ANO6: variants seen among roughly 807,000 people sequenced by gnomAD.
ANO6 encodes anoctamin 6, also known as anoctamin-6.
In ANO6, 106 loss-of-function variants were observed where a neutral mutation model predicts 117.5. The observed-to-expected ratio is 0.90, with a 90% CI of 0.77 to 1.06. The LOEUF is 1.06. Among genes scored for constraint, ANO6 ranks in the 50% least tolerant of loss-of-function variants. ANO6 has a pLI of 0.00. For synonymous variants in ANO6, 367 were observed against 385.1 expected (o/e 0.95, Z 0.55); for missense variants, 955 against 1,121.1 (o/e 0.85, Z 2.12).
chr12:45,356,130 TA>T (rs1483318919), intron 7 of ANO6, among the ~76,000 whole-genome samples: 3 of 152,212 alleles, frequency 2.0e-5, no homozygotes, highest in Non-Finnish European at 4.4e-5. Flanking sequence ...CTGCCCTCTT[TA>T]ATCTTGCCTA....
At chr12:45,330,439 A>G (rs1940625810) in intron 2 of ANO6, among the ~76,000 whole-genome samples, 1 of 152,140 alleles carries the variant, frequency 6.6e-6, no homozygotes. Flanking sequence ...ACTTTTCAGT[A>G]TCACGTAGTT....
At chr12:45,341,489 A>G (rs1940976982) in intron 3 of ANO6, among the ~76,000 whole-genome samples, 1 of 152,212 alleles carries the variant, frequency 6.6e-6, no homozygotes, top group Admixed American at 6.5e-5. Context: ...TTCTGCGTCT[A>G]TGATATTCAT....
intron 1 of ANO6, among the ~76,000 whole-genome samples, chr12:45,293,729 GTTTTT>G (rs138396024): frequency 8.3e-5 from 4 of 48,418 alleles, no homozygotes; most frequent in Non-Finnish European, 1.1e-4. Flanking sequence ...CCTGGCTAAT[GTTTTT>G]TTTTTTTTTT....
At chr12:45,389,076 T>C (rs1374112128) in intron 11 of ANO6, among the ~76,000 whole-genome samples, 1 of 152,212 alleles carries the variant, frequency 6.6e-6, no homozygotes, top group Non-Finnish European at 1.5e-5. Context: ...TACGAATAGC[T>C]CTTGGAAAGA....
intron 1 of ANO6, among the ~76,000 whole-genome samples, chr12:45,257,703 A>G (rs951505705): frequency 6.6e-6 from 1 of 152,000 alleles, no homozygotes; most frequent in African/African-American, 2.4e-5. Flanking sequence ...CATCTCTCTT[A>G]GTTTGTGTTT....
At chr12:45,426,510 C>T (rs984551727) in intron 19 of ANO6, among the ~76,000 whole-genome samples, 7 of 152,122 alleles carry the variant, frequency 4.6e-5, no homozygotes, top group Non-Finnish European at 8.8e-5. Context: ...TTCACCCCCT[C>T]CACTTCACTG....
intron 2 of ANO6, among the ~76,000 whole-genome samples, chr12:45,305,233 C>A (rs901173412): frequency 6.6e-6 from 1 of 152,078 alleles, no homozygotes; most frequent in African/African-American, 2.4e-5. Context: ...GGGTAAGAGT[C>A]CAGGTGAAAG....
At chr12:45,409,287 G>A (rs1260172286) in intron 15 of ANO6, 70 bp from the exon 16 acceptor site, 4 of 1,581,272 alleles carry the variant, frequency 2.5e-6, no homozygotes, top group Non-Finnish European at 1.7e-6. Flanking sequence ...CTTTGAGATA[G>A]CAGCAAAATA....
At chr12:45,280,395 G>T (rs1938686517) in intron 1 of ANO6, among the ~76,000 whole-genome samples, 1 of 152,112 alleles carries the variant, frequency 6.6e-6, no homozygotes, top group Non-Finnish European at 1.5e-5. Flanking sequence ...GTGGCCTACA[G>T]ACCAAAGGGC....
chr12:45,310,049 C>T (rs76507469), intron 2 of ANO6, among the ~76,000 whole-genome samples: 3 of 152,098 alleles, frequency 2.0e-5, no homozygotes, highest in South Asian at 2.1e-4. Flanking sequence ...ATTCAAGAAC[C>T]GAAGGTGATG....
Position 45,421,120 on chromosome 12 carries a change from A to G in ANO6, c.2267A>G (p.Tyr756Cys). The stretch of plus-strand genomic sequence containing the variant: ...GACATGATCCCCCGCCTAGTGTACT[A>G]CTGGTCCTTCTCCGTCCCTCCCTAC... ...TSDMIPRLVY[Y>C]WSFSVPPYGD... The change falls in exon 18 of 20, where the codon TAC (tyrosine) becomes TGC (cysteine). Residue 756 changes from tyrosine to cysteine, a missense_variant. Physicochemically the swap from Tyr to Cys is radical, Grantham distance 194. Transcript: ENST00000320560. 1 of 1,614,210 alleles carries G rather than the reference A, an allele frequency of 6.2e-7. No homozygotes were observed. The highest frequency in any genetic ancestry group is 8.5e-7 in the Non-Finnish European group (1 of 1,180,032).
intron 1 of ANO6, among the ~76,000 whole-genome samples, chr12:45,269,129 T>C (rs1938311850): frequency 6.6e-6 from 1 of 152,192 alleles, no homozygotes; most frequent in Non-Finnish European, 1.5e-5. Context: ...GCCAGCTTCT[T>C]AGCCACAGGT....
At chr12:45,376,127 A>G (rs1942008266) in intron 9 of ANO6, among the ~76,000 whole-genome samples, 2 of 151,456 alleles carry the variant, frequency 1.3e-5, no homozygotes, top group Non-Finnish European at 2.9e-5. Flanking sequence ...GCCATCAGAG[A>G]AATGCAAATC....
chr12:45,219,141 T>C (rs944686539), intron 1 of ANO6, among the ~76,000 whole-genome samples: 4 of 152,064 alleles, frequency 2.6e-5, no homozygotes, highest in Non-Finnish European at 5.9e-5. Context: ...GGGTATACCA[T>C]TGGGCGTTAT....
At chr12:45,332,319 C>T (rs1040830117) in intron 3 of ANO6, among the ~76,000 whole-genome samples, 6 of 151,898 alleles carry the variant, frequency 4.0e-5, no homozygotes, top group Non-Finnish European at 8.8e-5. Flanking sequence ...CTCACACACA[C>T]ACACACACAC....
chr12:45,331,080 T>A (rs1940645773), intron 2 of ANO6, among the ~76,000 whole-genome samples: 1 of 151,846 alleles, frequency 6.6e-6, no homozygotes, highest in South Asian at 2.1e-4. Flanking sequence ...GTTTATAGAA[T>A]AATGCTGTAC....
intron 1 of ANO6, among the ~76,000 whole-genome samples, chr12:45,230,040 C>G (rs1170505541): frequency 6.6e-6 from 1 of 152,126 alleles, no homozygotes; most frequent in Non-Finnish European, 1.5e-5. Flanking sequence ...TGGGTAGTTG[C>G]TTTTACCTAA....
At chr12:45,421,559 TAAAGATTTAAAGTTGAGAGTTTC>T (rs1003194382) in intron 18 of ANO6, among the ~76,000 whole-genome samples, 10 of 152,264 alleles carry the variant, frequency 6.6e-5, no homozygotes, top group African/African-American at 2.4e-4. Flanking sequence ...GACCAAACCA[TAAAGATTTAAAGTTGAGAGTTTC>T]AAACGATTAC....
chr12:45,427,977 G>A (rs1943546198), intron 19 of ANO6, among the ~76,000 whole-genome samples: 1 of 148,578 alleles, frequency 6.7e-6, no homozygotes, highest in South Asian at 2.2e-4. Flanking sequence ...ATACGAAGAT[G>A]TAGAGCAACT....
Sources: gnomAD v4.1 joint callset for allele counts (sites outside exome capture counted in the v4.1 genomes callset) on GRCh38, gnomAD v4.1.1 for gene constraint, MANE v1.5 for transcripts, NCBI Gene and HGNC (gene_info 2026-07-23, HGNC 2026-07-21) for gene names.